The following CNTNAP2 variants were observed in gnomAD, a reference collection of about 807,000 sequenced individuals.
CNTNAP2 encodes the protein contactin-associated protein-like 2.
A neutral mutation model predicts 155.2 loss-of-function variants in CNTNAP2; 98 were observed. The ratio of observed to expected loss-of-function variants is 0.63; its 90% CI spans 0.54 to 0.75. The LOEUF is 0.75. CNTNAP2 is among the 30% of genes least tolerant of loss of function. The pLI is 0.00. For synonymous variants in CNTNAP2, 651 were observed against 631.2 expected (o/e 1.03, Z -0.47); for missense variants, 1,727 against 1,688.1 (o/e 1.02, Z -0.40).
chr7:146,371,627 A>G (rs572223658), intron 1 of CNTNAP2, among the ~76,000 whole-genome samples: 1 of 151,878 alleles, frequency 6.6e-6, no homozygotes, highest in South Asian at 2.1e-4. Flanking sequence ...GGCCTCCCAA[A>G]GGCCAGTATT....
At chr7:148,261,081 A>G (rs910087399) in intron 20 of CNTNAP2, among the ~76,000 whole-genome samples, 3 of 152,208 alleles carry the variant, frequency 2.0e-5, no homozygotes, top group African/African-American at 7.2e-5. Flanking sequence ...CCTGGTAGAG[A>G]GAAGCCATCT....
At position 147,376,799 on chromosome 7, in the gene CNTNAP2, C is replaced by A. The variant is rs538197624; in HGVS notation, c.1499-18810C>A. On this transcript the variant is annotated intron_variant, in intron 9 of 23. Transcript: ENST00000361727. Reference sequence around the variant, plus strand: ...CAATAAATAGGATCAAATTCAGACACCAGCACCTTGAAGCCTGAACCTCTC... The same window carrying A: ...CAATAAATAGGATCAAATTCAGACAACAGCACCTTGAAGCCTGAACCTCTC... Among the ~76,000 whole-genome samples, 5 of 152,036 alleles carry A rather than the reference C, an allele frequency of 3.3e-5. No homozygotes were observed. The East Asian group carries it at 9.7e-4, about 29-fold the overall frequency.
At chr7:146,817,367 G>T (rs573245707) in intron 2 of CNTNAP2, among the ~76,000 whole-genome samples, 1 of 152,056 alleles carries the variant, frequency 6.6e-6, no homozygotes, top group South Asian at 2.1e-4. Flanking sequence ...AGCTACTCAG[G>T]AGGCTGAGGC....
intron 3 of CNTNAP2, among the ~76,000 whole-genome samples, chr7:146,962,022 C>T (rs1057260505): frequency 6.6e-6 from 1 of 152,070 alleles, no homozygotes; most frequent in Non-Finnish European, 1.5e-5. Context: ...TCCAGTTACG[C>T]AGTGGTTACT....
rs1315370056 is a variant in CNTNAP2, at chr7:147,360,884, A to AG, written c.1499-34721dup. On this transcript the variant is annotated intron_variant, in intron 9 of 23. Coordinates refer to ENST00000361727, the MANE Select transcript of CNTNAP2 (RefSeq NM_014141.6). ...GAAAAGGTATGTAGGTGGTCGCAGA[A>AG]GGGGTCAGAGAAGGTAAGTGGTTTC... 3.9e-5 allele frequency among the ~76,000 whole-genome samples: 6 copies of AG among 152,306 alleles called. No homozygotes were observed. In the South Asian group the frequency reaches 6.2e-4, roughly 16 times the overall value.
chr7:147,872,488 AC>A (rs1799343989), intron 13 of CNTNAP2, among the ~76,000 whole-genome samples: 1 of 152,158 alleles, frequency 6.6e-6, no homozygotes, highest in African/African-American at 2.4e-5. Context: ...TAACCAATCT[AC>A]CTTCTGAGGG....
At chr7:146,827,203 AC>A (rs1803422162) in intron 2 of CNTNAP2, among the ~76,000 whole-genome samples, 1 of 152,090 alleles carries the variant, frequency 6.6e-6, no homozygotes, top group East Asian at 1.9e-4. Context: ...TGTCCAGAGA[AC>A]CATGCTAGGC....
At chr7:147,219,296 T>C (rs1365322530) in intron 8 of CNTNAP2, among the ~76,000 whole-genome samples, 1 of 152,172 alleles carries the variant, frequency 6.6e-6, no homozygotes, top group African/African-American at 2.4e-5. Flanking sequence ...ATAGGCCATC[T>C]GCAAGCTGAG....
At chr7:147,732,186 C>CG (rs1265369838) in intron 13 of CNTNAP2, among the ~76,000 whole-genome samples, 4 of 100,550 alleles carry the variant, frequency 4.0e-5, no homozygotes, top group Non-Finnish European at 7.8e-5. Flanking sequence ...ATCCCTCCCC[C>CG]CCCCACCACC....
At chr7:147,321,930 G>T (rs779126577) in intron 9 of CNTNAP2, among the ~76,000 whole-genome samples, 1 of 152,154 alleles carries the variant, frequency 6.6e-6, no homozygotes, top group Non-Finnish European at 1.5e-5. Flanking sequence ...AACAGAGACT[G>T]AAATTAACAA....
At chr7:147,699,449 G>A (rs908252829) in intron 13 of CNTNAP2, among the ~76,000 whole-genome samples, 12 of 151,928 alleles carry the variant, frequency 7.9e-5, no homozygotes, top group African/African-American at 1.5e-4. Flanking sequence ...GGGGCCTGTC[G>A]TGGGGTGGGG....
intron 23 of CNTNAP2, among the ~76,000 whole-genome samples, chr7:148,413,581 G>C (rs57792310): frequency 0.58 from 87,233 of 149,548 alleles, 26,183 homozygotes; most frequent in African/African-American, 0.67. Context: ...ATATCATTAG[G>C]TAATGCTTGT....
At chr7:146,490,379 G>T (rs1262623713) in intron 1 of CNTNAP2, among the ~76,000 whole-genome samples, 2 of 152,122 alleles carry the variant, frequency 1.3e-5, no homozygotes, top group Non-Finnish European at 2.9e-5. Context: ...TGTATACTAT[G>T]CTAAGTATTG....
intron 15 of CNTNAP2, among the ~76,000 whole-genome samples, chr7:148,022,966 TCATCGGCAGTAA>T (rs1475032300): frequency 2.0e-5 from 3 of 152,144 alleles, no homozygotes; most frequent in African/African-American, 7.2e-5. Context: ...GTTAAATATC[TCATCGGCAGTAA>T]TAGCTTAAGA....
chr7:148,154,901 C>T (rs1805369789), intron 17 of CNTNAP2, among the ~76,000 whole-genome samples: 1 of 151,544 alleles, frequency 6.6e-6, no homozygotes, highest in Non-Finnish European at 1.5e-5. Flanking sequence ...TGTGCCACTA[C>T]ACTCCAGCCT....
chr7:146,456,079 G>A (rs1158273902), intron 1 of CNTNAP2, among the ~76,000 whole-genome samples: 1 of 152,010 alleles, frequency 6.6e-6, no homozygotes, highest in African/African-American at 2.4e-5. Context: ...AAATGTTTAT[G>A]TTTCAATATA....
In CNTNAP2 at chr7:146,932,520, C is replaced by G. The variant is rs1359074874; in HGVS notation, c.402+92616C>G. 5.9e-5 allele frequency among the ~76,000 whole-genome samples: 9 copies of G among 152,268 alleles called. No homozygotes were observed. In the East Asian group the frequency reaches 1.7e-3, roughly 29 times the overall value. ...AAACTGGAAGCACTCCCTTTGAAAA[C>G]TGGCACAAGACAGGGATGCCCTCTC... On this transcript the variant is annotated intron_variant, in intron 3 of 23. Transcript: ENST00000361727.
At chr7:147,953,442 G>T (rs1267286975) in intron 14 of CNTNAP2, among the ~76,000 whole-genome samples, 7 of 115,190 alleles carry the variant, frequency 6.1e-5, no homozygotes, top group Non-Finnish European at 1.1e-4. Flanking sequence ...TAGATGATGG[G>T]TTGATAAGGT....
intron 14 of CNTNAP2, among the ~76,000 whole-genome samples, chr7:147,905,003 G>A (rs1034144859): frequency 1.3e-4 from 19 of 151,840 alleles, no homozygotes; most frequent in Non-Finnish European, 1.8e-4. Context: ...TTATTCATTC[G>A]TTCAATCATT....
Sources: allele counts gnomAD v4.1 joint callset (sites outside exome capture counted in the v4.1 genomes callset), GRCh38; gene constraint gnomAD v4.1.1; transcripts MANE v1.5; gene names NCBI Gene and HGNC (gene_info 2026-07-23, HGNC 2026-07-21).